Variants in CDKAL1 observed in about 807,000 individuals in gnomAD.
The protein encoded by CDKAL1 is CDKAL1 threonylcarbamoyladenosine tRNA methylthiotransferase.
A neutral mutation model predicts 68.2 loss-of-function variants in CDKAL1; 32 were observed. The observed-to-expected ratio is 0.47, with a 90% CI of 0.35 to 0.63. The LOEUF (loss-of-function observed/expected upper bound fraction) is 0.63. CDKAL1 is among the 30% of genes least tolerant of loss of function. CDKAL1 has a pLI of 0.00. For synonymous variants in CDKAL1, 234 were observed against 244.3 expected (o/e 0.96, Z 0.39); for missense variants, 606 against 696.7 (o/e 0.87, Z 1.47).
At chr6:20,991,645 T>C (rs1766807709) in intron 10 of CDKAL1, among the ~76,000 whole-genome samples, 1 of 143,406 alleles carries the variant, frequency 7.0e-6, no homozygotes, top group African/African-American at 2.6e-5. Flanking sequence ...AGGCAGAGGT[T>C]GCAGCGAACG....
intron 8 of CDKAL1, among the ~76,000 whole-genome samples, chr6:20,829,532 G>A (rs555175702): frequency 6.2e-4 from 95 of 152,306 alleles, no homozygotes; most frequent in South Asian, 1.9e-3. Flanking sequence ...TGCAATGCAA[G>A]GCATTACCCT....
chr6:21,088,621 G>C (rs1772828008), intron 12 of CDKAL1, among the ~76,000 whole-genome samples: 2 of 152,220 alleles, frequency 1.3e-5, no homozygotes, highest in South Asian at 2.1e-4. Flanking sequence ...TTTTGGAATT[G>C]ATAGTATTTT....
chr6:21,044,664 T>A (rs9460589), intron 11 of CDKAL1, among the ~76,000 whole-genome samples: 5 of 151,860 alleles, frequency 3.3e-5, no homozygotes, highest in South Asian at 4.1e-4. Context: ...TTCTAAATAT[T>A]CAGTTGAGCT....
intron 9 of CDKAL1, among the ~76,000 whole-genome samples, chr6:20,899,451 G>A (rs758420129): frequency 1.1e-4 from 17 of 151,986 alleles, no homozygotes; most frequent in Non-Finnish European, 2.2e-4. Flanking sequence ...TGCTGCAGTG[G>A]ATCTTGTGAA....
chr6:20,568,734 CA>C (rs71538795), intron 4 of CDKAL1, among the ~76,000 whole-genome samples: 1,282 of 31,110 alleles, frequency 0.041, 21 homozygotes, highest in African/African-American at 0.1. Context: ...GACTCCGCCT[CA>C]AAAAAAAAAA....
intron 15 of CDKAL1, 47 bp from the exon 16 acceptor site, chr6:21,230,801 T>A: frequency 6.9e-7 from 1 of 1,450,856 alleles, no homozygotes. Flanking sequence ...CAACAGGGCT[T>A]TCTCTGCATC....
chr6:20,631,061 A>G (rs1034872990), intron 4 of CDKAL1, among the ~76,000 whole-genome samples: 1 of 152,240 alleles, frequency 6.6e-6, no homozygotes, highest in African/African-American at 2.4e-5. Context: ...CATAAGGCAG[A>G]TAAAAGGTCG....
intron 9 of CDKAL1, among the ~76,000 whole-genome samples, chr6:20,878,704 C>A (rs985687638): frequency 6.6e-6 from 1 of 151,844 alleles, no homozygotes; most frequent in African/African-American, 2.4e-5. Context: ...CCACTGCACT[C>A]CAGCCTGGGT....
intron 10 of CDKAL1, among the ~76,000 whole-genome samples, chr6:20,962,488 G>A (rs968420745): frequency 1.3e-4 from 20 of 152,126 alleles, no homozygotes. Flanking sequence ...ACCTGTCAAG[G>A]ACTTTTGTTG....
chr6:20,847,387 A>T (rs1315201966), intron 9 of CDKAL1, among the ~76,000 whole-genome samples: 2 of 152,162 alleles, frequency 1.3e-5, no homozygotes, highest in Admixed American at 6.5e-5. Flanking sequence ...CTATTTGAAA[A>T]AGTCTTTGCT....
chr6:20,668,157 G>A (rs1023887394), intron 5 of CDKAL1, among the ~76,000 whole-genome samples: 5 of 151,454 alleles, frequency 3.3e-5, no homozygotes, highest in Admixed American at 2.0e-4. Flanking sequence ...TATATACAAA[G>A]GTTCCTCATT....
chr6:20,977,594 T>A (rs1226508452), intron 10 of CDKAL1, among the ~76,000 whole-genome samples: 1 of 152,188 alleles, frequency 6.6e-6, no homozygotes, highest in Non-Finnish European at 1.5e-5. Context: ...TTATATAGGC[T>A]GGGCATGGTG....
intron 7 of CDKAL1, among the ~76,000 whole-genome samples, chr6:20,778,380 A>G (rs527256323): frequency 6.6e-6 from 1 of 152,370 alleles, no homozygotes; most frequent in South Asian, 2.1e-4. Flanking sequence ...TATAAATCAT[A>G]TATCTGATAA....
At chr6:21,180,468 GT>G (rs1192522168) in intron 13 of CDKAL1, among the ~76,000 whole-genome samples, 1 of 151,576 alleles carries the variant, frequency 6.6e-6, no homozygotes, top group Non-Finnish European at 1.5e-5. Context: ...AGCTGCTAGT[GT>G]TTTTAGAAGC....
At chr6:20,713,758 A>G (rs1388399658) in intron 5 of CDKAL1, among the ~76,000 whole-genome samples, 3 of 152,208 alleles carry the variant, frequency 2.0e-5, no homozygotes, top group Admixed American at 6.5e-5. Flanking sequence ...AACAATTGAC[A>G]TAGAAAAGTC....
At chr6:21,097,463 G>A (rs796938374) in intron 12 of CDKAL1, among the ~76,000 whole-genome samples, 17 of 149,816 alleles carry the variant, frequency 1.1e-4, no homozygotes, top group African/African-American at 3.4e-4. Flanking sequence ...GCAAGACTCC[G>A]TCTCAAAAAA....
intron 7 of CDKAL1, among the ~76,000 whole-genome samples, chr6:20,766,915 A>G (rs1003402394): frequency 6.6e-6 from 1 of 152,240 alleles, no homozygotes; most frequent in African/African-American, 2.4e-5. Context: ...AAAGAAAAAT[A>G]CCAAGTAGAT....
chr6:20,978,812 T>C (rs774956533), intron 10 of CDKAL1, among the ~76,000 whole-genome samples: 1 of 152,186 alleles, frequency 6.6e-6, no homozygotes, highest in Non-Finnish European at 1.5e-5. Flanking sequence ...ATAAAATGGC[T>C]AGTGAATGTG....
In CDKAL1 at chr6:21,201,336, G is replaced by C. The variant is rs1023163409; in HGVS notation, c.1548+62G>C. 257 of 1,414,192 alleles carry C rather than the reference G, an allele frequency of 1.8e-4. 1 individual carries two copies. The highest frequency in any genetic ancestry group is 2.5e-4 in the Non-Finnish European group (254 of 1,023,626). The allele number at this position is 1,414,192 out of a possible 1,614,324, so 87.6% of individuals were successfully genotyped here. On this transcript the variant is annotated intron_variant, in intron 15 of 15. Transcript: ENST00000274695. ...AAAACAGCAGCTGTGGAAGCACAGT[G>C]ATTCCAGGCCATGTTTCTGTTATCA...
Sources: gnomAD v4.1 joint callset for allele counts (sites outside exome capture counted in the v4.1 genomes callset) on GRCh38, gnomAD v4.1.1 for gene constraint, MANE v1.5 for transcripts, NCBI Gene and HGNC (gene_info 2026-07-23, HGNC 2026-07-21) for gene names.